The following WWOX variants were observed in gnomAD, a reference collection of about 807,000 sequenced individuals.
WWOX encodes the protein WW domain-containing oxidoreductase.
Under a neutral mutation model 46.2 loss-of-function variants are expected in WWOX, and 69 were observed. That is an observed-to-expected ratio of 1.49 (90% CI 1.23 to 1.82). The LOEUF (loss-of-function observed/expected upper bound fraction) is 1.82. WWOX is among the 40% of genes most tolerant of loss of function. The pLI is 0.00. For synonymous variants in WWOX, 359 were observed against 202.6 expected, an observed-to-expected ratio of 1.77 and a Z score of -6.56; for missense variants, 919 against 542.6, an observed-to-expected ratio of 1.69 and a Z score of -6.89.
At chr16:78,915,238 A>G (rs113226820) in intron 8 of WWOX, among the ~76,000 whole-genome samples, 2,388 of 152,262 alleles carry the variant, frequency 0.016, 57 homozygotes, top group African/African-American at 0.055. Flanking sequence ...ACCGATTAAG[A>G]GGGTTCCCTT....
At chr16:78,100,633 C>T (rs1213531533) in intron 1 of WWOX, among the ~76,000 whole-genome samples, 5 of 152,228 alleles carry the variant, frequency 3.3e-5, no homozygotes, top group African/African-American at 1.2e-4. Flanking sequence ...GAGCCTTCAT[C>T]TTTAACTGTG....
At chr16:78,843,283 A>C (rs778580071) in intron 8 of WWOX, among the ~76,000 whole-genome samples, 2 of 150,038 alleles carry the variant, frequency 1.3e-5, no homozygotes, top group African/African-American at 4.8e-5. Flanking sequence ...CGATTTTTCT[A>C]TTTCTCCACC....
At position 78,124,810 on chromosome 16, in the gene WWOX, C is replaced by G. The variant is rs148356807; in HGVS notation, c.409+9656C>G. ...TTTTTGGAGCCTTCATGTTAGAAGC[C>G]ATAGTCATATGGTGCTCTCTGAAAG... On this transcript the variant is annotated intron_variant, in intron 4 of 8. Transcript: ENST00000566780. Among the ~76,000 whole-genome samples the G allele has an allele frequency of 5.7e-3, 872 of 152,252 alleles. 5 individuals carry two copies. Among genetic ancestry groups the G allele is most frequent in the Middle Eastern group, 0.02 (6 of 294 alleles).
In WWOX at chr16:79,034,422, C is replaced by T. The variant is rs1401641334; in HGVS notation, c.1057-177186C>T. On this transcript the variant is annotated intron_variant, in intron 8 of 8. Coordinates refer to ENST00000566780, the MANE Select transcript of WWOX (RefSeq NM_016373.4). Reference sequence around the variant, plus strand: ...AAAGGTGTTTTCTCCAAGGTGTATACACTGCCTGGGCCTTGTACTCTGGCC... The same window carrying T: ...AAAGGTGTTTTCTCCAAGGTGTATATACTGCCTGGGCCTTGTACTCTGGCC... 2.0e-5 allele frequency among the ~76,000 whole-genome samples: 3 copies of T among 152,324 alleles called. No individual in the cohort carries two copies. In the East Asian group the frequency reaches 5.8e-4, roughly 29 times the overall value.
At chr16:79,066,474 AAAG>A (rs2048443837) in intron 8 of WWOX, among the ~76,000 whole-genome samples, 1 of 152,138 alleles carries the variant, frequency 6.6e-6, no homozygotes, top group Admixed American at 6.5e-5. Context: ...CTGTGGAAGG[AAAG>A]AAGGACAGAA....
At chr16:78,871,988 C>G (rs561784519) in intron 8 of WWOX, among the ~76,000 whole-genome samples, 2 of 152,220 alleles carry the variant, frequency 1.3e-5, no homozygotes, top group South Asian at 2.1e-4. Flanking sequence ...CAGACCCTCT[C>G]AGATGCCACT....
chr16:78,442,404 C>G (rs2083464302), intron 8 of WWOX, among the ~76,000 whole-genome samples: 1 of 152,082 alleles, frequency 6.6e-6, no homozygotes. Flanking sequence ...CTAACTGAAA[C>G]TTAGGATCCT....
chr16:79,161,479 A>G lies in WWOX; in HGVS notation c.1057-50129A>G, dbSNP rs144765807. On this transcript the variant is annotated intron_variant, in intron 8 of 8. Coordinates refer to ENST00000566780, the MANE Select transcript of WWOX (RefSeq NM_016373.4). ...GGGAGAGAAGGAGAGAAGAGAGGAA[A>G]TGAAAATGTTTCTGAATAAGTTATG... Among the ~76,000 whole-genome samples the G allele has an allele frequency of 5.4e-3, 822 of 152,278 alleles. 8 individuals carry two copies. Among genetic ancestry groups the G allele is most frequent in the African/African-American group, 0.019 (783 of 41,566 alleles).
intron 8 of WWOX, among the ~76,000 whole-genome samples, chr16:78,478,543 C>G (rs895610099): frequency 2.6e-5 from 4 of 152,234 alleles, no homozygotes; most frequent in East Asian, 1.9e-4. Flanking sequence ...GCCTACTCTC[C>G]TCTCTCGAAG....
chr16:78,329,318 A>G (rs1292044624), intron 5 of WWOX, among the ~76,000 whole-genome samples: 1 of 152,128 alleles, frequency 6.6e-6, no homozygotes, highest in Admixed American at 6.5e-5. Context: ...GCATTTGGGG[A>G]AGGGCTCTCT....
intron 5 of WWOX, among the ~76,000 whole-genome samples, chr16:78,314,665 C>A (rs2080319159): frequency 6.9e-6 from 1 of 144,754 alleles, no homozygotes; most frequent in Non-Finnish European, 1.5e-5. Context: ...GCTGGGACTA[C>A]AGGCACACCC....
At chr16:78,196,541 T>G (rs890806205) in intron 5 of WWOX, among the ~76,000 whole-genome samples, 38 of 152,332 alleles carry the variant, frequency 2.5e-4, no homozygotes, top group African/African-American at 9.1e-4. Context: ...CATGTTTGTA[T>G]TGTTTGCAAA....
intron 8 of WWOX, among the ~76,000 whole-genome samples, chr16:78,836,794 C>A (rs1294336879): frequency 6.6e-5 from 10 of 152,156 alleles, no homozygotes; most frequent in Non-Finnish European, 1.3e-4. Flanking sequence ...TTATTCTATA[C>A]ACCAAAAGCC....
intron 5 of WWOX, among the ~76,000 whole-genome samples, chr16:78,353,768 A>C (rs1254020335): frequency 7.6e-6 from 1 of 130,872 alleles, no homozygotes; most frequent in Non-Finnish European, 1.8e-5. Context: ...GCTCAGAGCC[A>C]CATCACCTGC....
chr16:78,270,373 T>A (rs1399732718), intron 5 of WWOX: 1 of 152,186 alleles, frequency 6.6e-6, no homozygotes, highest in Non-Finnish European at 1.5e-5. Context: ...ATGGCTTTCT[T>A]TCCAGTATAA....
intron 8 of WWOX, among the ~76,000 whole-genome samples, chr16:78,808,510 A>C (rs376625449): frequency 1.4e-3 from 215 of 152,326 alleles, no homozygotes; most frequent in African/African-American, 5.1e-3. Context: ...ATTACTAAAA[A>C]TGTGGACCTT....
At chr16:79,153,472 A>G (rs888581183) in intron 8 of WWOX, among the ~76,000 whole-genome samples, 6 of 152,134 alleles carry the variant, frequency 3.9e-5, no homozygotes, top group Non-Finnish European at 8.8e-5. Context: ...TTACATCGGG[A>G]ATGCCTTTTG....
At chr16:78,111,340 CACTATT>C (rs2032478633) in intron 3 of WWOX, among the ~76,000 whole-genome samples, 1 of 152,180 alleles carries the variant, frequency 6.6e-6, no homozygotes, top group African/African-American at 2.4e-5. Context: ...TTACTATAAA[CACTATT>C]AATCATTAGC....
At chr16:78,459,487 T>C (rs568586519) in intron 8 of WWOX, among the ~76,000 whole-genome samples, 1 of 152,342 alleles carries the variant, frequency 6.6e-6, no homozygotes, top group South Asian at 2.1e-4. Flanking sequence ...GGTCATGCGG[T>C]ATCTGCCATT....
Sources: gnomAD v4.1 joint callset for allele counts (sites outside exome capture counted in the v4.1 genomes callset) on GRCh38, gnomAD v4.1.1 for gene constraint, MANE v1.5 for transcripts, NCBI Gene and HGNC (gene_info 2026-07-23, HGNC 2026-07-21) for gene names.